ALPK2: variants seen among roughly 807,000 people sequenced by gnomAD.
The protein encoded by ALPK2 is alpha-protein kinase 2.
A neutral mutation model predicts 163.1 loss-of-function variants in ALPK2; 127 were observed. That is an observed-to-expected ratio of 0.78 (90% CI 0.67 to 0.90). The LOEUF is 0.90. Ranked by LOEUF, ALPK2 falls within the 40% of genes least tolerant of loss-of-function variation. The pLI is 0.00. For synonymous variants in ALPK2, 953 were observed against 959.1 expected, an observed-to-expected ratio of 0.99 and a Z score of 0.12; for missense variants, 2,360 against 2,589.6, an observed-to-expected ratio of 0.91 and a Z score of 1.92.
At chr18:58,563,188 G>A (rs922439761) in intron 4 of ALPK2, among the ~76,000 whole-genome samples, 5 of 152,236 alleles carry the variant, frequency 3.3e-5, no homozygotes, top group African/African-American at 1.2e-4. Context: ...TAGAGCCCTT[G>A]GACTTTTGAG....
intron 10 of ALPK2, among the ~76,000 whole-genome samples, chr18:58,513,276 G>A (rs192138509): frequency 3.2e-4 from 49 of 152,086 alleles, no homozygotes; most frequent in African/African-American, 1.1e-3. Context: ...GGGTGTGTAT[G>A]TGTGTTTTTT....
At chr18:58,581,165 C>T (rs1006063538) in intron 3 of ALPK2, among the ~76,000 whole-genome samples, 7 of 151,602 alleles carry the variant, frequency 4.6e-5, no homozygotes, top group Admixed American at 1.3e-4. Context: ...TTTTATGTTA[C>T]GGGAATTTGA....
intron 3 of ALPK2, among the ~76,000 whole-genome samples, chr18:58,583,772 G>C (rs557650638): frequency 2.0e-5 from 3 of 151,558 alleles, no homozygotes; most frequent in Admixed American, 6.6e-5. Context: ...AGAAAAAGGC[G>C]GGGGGGCTGT....
intron 4 of ALPK2, among the ~76,000 whole-genome samples, chr18:58,555,225 T>G (rs2051783995): frequency 6.6e-6 from 1 of 152,110 alleles, no homozygotes; most frequent in South Asian, 2.1e-4. Context: ...AGCCAGAGCC[T>G]CTTCTTAACA....
chr18:58,596,148 A>T (rs1464826213), intron 3 of ALPK2, among the ~76,000 whole-genome samples: 1 of 152,140 alleles, frequency 6.6e-6, no homozygotes, highest in Non-Finnish European at 1.5e-5. Flanking sequence ...AGAAAGGGGG[A>T]ATGAGCAAAA....
At chr18:58,576,875 G>T (rs1429474399) in intron 4 of ALPK2, among the ~76,000 whole-genome samples, 1 of 152,226 alleles carries the variant, frequency 6.6e-6, no homozygotes, top group African/African-American at 2.4e-5. Context: ...TGAGAGGTCA[G>T]CTCTGCTACT....
chr18:58,536,494 C>G lies in ALPK2; in HGVS notation c.3693G>C (p.Glu1231Asp), dbSNP rs1243145040. 1 of 1,613,842 alleles carries G rather than the reference C, an allele frequency of 6.2e-7. No individual in the cohort carries two copies. Among genetic ancestry groups the G allele is most frequent in the Non-Finnish European group, 8.5e-7 (1 of 1,180,042 alleles). ...ESKEYRPGNW[E>D]AGNKLKIITL... ...TTATAATCTTCAGCTTGTTGCCTGC[C>G]TCCCAATTTCCAGGTCTATATTCTT... is the stretch of plus-strand genomic sequence containing the variant. The change falls in exon 5 of 13, where the codon GAG becomes GAC. Residue 1231 changes from glutamate (E) to aspartate (D), a missense_variant. Transcript: ENST00000361673.
chr18:58,565,075 T>G (rs1019665867), intron 4 of ALPK2, among the ~76,000 whole-genome samples: 1 of 152,214 alleles, frequency 6.6e-6, no homozygotes, highest in African/African-American at 2.4e-5. Context: ...TCGTATTGTA[T>G]GTATTATTCT....
intron 4 of ALPK2, among the ~76,000 whole-genome samples, chr18:58,577,771 G>A (rs6566984): frequency 2.6e-5 from 4 of 152,072 alleles, no homozygotes; most frequent in Non-Finnish European, 5.9e-5. Flanking sequence ...TTATGACTGG[G>A]TCTATAGAAA....
chr18:58,520,036 A>C (rs1048401640), intron 8 of ALPK2, among the ~76,000 whole-genome samples: 4 of 152,134 alleles, frequency 2.6e-5, no homozygotes, highest in African/African-American at 9.7e-5. Flanking sequence ...GGTTGTGAAG[A>C]AGGTGCAATT....
At chr18:58,516,750 G>C (rs1198492774) in intron 9 of ALPK2, among the ~76,000 whole-genome samples, 158 bp downstream of exon 9, 3 of 152,132 alleles carry the variant, frequency 2.0e-5, no homozygotes, top group Admixed American at 6.5e-5. Flanking sequence ...CCCGAGAATT[G>C]AGAAGTGATC....
chr18:58,537,744 A>G lies in ALPK2; in HGVS notation c.2443T>C (p.Cys815Arg), dbSNP rs571519296. The change falls in exon 5 of 13, where the codon TGT becomes CGT. Residue 815 changes from cysteine to arginine, a missense_variant. Physicochemically the swap from Cys to Arg is radical, Grantham distance 180. Coordinates refer to ENST00000361673, the MANE Select transcript of ALPK2 (RefSeq NM_052947.4). ...ECFEAGDQGT[C>R]FDTIDSLVGR... ...ACAAGAGAATCTATGGTATCAAAAC[A>G]CGTTCCTTGGTCACCAGCCTCAAAA... 6.2e-7 allele frequency: 1 copy of G among 1,614,168 alleles called. No individual in the cohort carries two copies. Among genetic ancestry groups the G allele is most frequent in the African/African-American group, 1.3e-5 (1 of 75,062 alleles).
At chr18:58,564,125 T>TTTTC in intron 4 of ALPK2, among the ~76,000 whole-genome samples, 1 of 134,066 alleles carries the variant, frequency 7.5e-6, no homozygotes, top group Non-Finnish European at 1.6e-5. Context: ...TCTTTGTTCT[T>TTTTC]TTTTTTTTTT....
intron 3 of ALPK2, among the ~76,000 whole-genome samples, chr18:58,594,155 G>A (rs1187898127): frequency 6.6e-6 from 1 of 152,168 alleles, no homozygotes; most frequent in Non-Finnish European, 1.5e-5. Context: ...TCCTGGGGAT[G>A]CATGGGGAGC....
chr18:58,497,763 A>G (rs537413912), intron 12 of ALPK2, among the ~76,000 whole-genome samples: 26 of 152,238 alleles, frequency 1.7e-4, no homozygotes, highest in Non-Finnish European at 3.4e-4. Flanking sequence ...CATCCAAGTA[A>G]TGCCAGCATT....
intron 3 of ALPK2, among the ~76,000 whole-genome samples, chr18:58,586,016 T>C (rs1350012857): frequency 1.3e-5 from 2 of 152,220 alleles, no homozygotes; most frequent in African/African-American, 4.8e-5. Context: ...CTTTTACCCA[T>C]GCATGATTTT....
Position 58,481,917 on chromosome 18 carries a change from T to G in ALPK2, c.6419A>C (p.Gln2140Pro). ...LKSLQNNNQK[Q>P]KQPSIGKSKV... ...GCTTTTCCCAATGCTCGGCTGCTTC[T>G]GTTTCTGGTTGTTGTTTTGAAGGGA... The change falls in exon 13 of 13, where the codon CAG (glutamine) becomes CCG (proline). Residue 2140 changes from glutamine to proline, a missense_variant. Physicochemically the swap from Gln to Pro is moderately conservative, Grantham distance 76 (BLOSUM62 -1). Coordinates refer to ENST00000361673, the MANE Select transcript of ALPK2 (RefSeq NM_052947.4). 6.2e-7 allele frequency: 1 copy of G among 1,614,236 alleles called. No individual in the cohort carries two copies. The highest frequency in any genetic ancestry group is 8.5e-7 in the Non-Finnish European group (1 of 1,180,048).
Position 58,536,630 on chromosome 18 carries a change from C to T in ALPK2, c.3557G>A (p.Arg1186His), listed in dbSNP as rs767612056. 5 of 1,614,030 alleles carry T rather than the reference C, an allele frequency of 3.1e-6. No homozygotes were observed. Among genetic ancestry groups the T allele is most frequent in the Non-Finnish European group, 3.4e-6 (4 of 1,180,022 alleles). The change falls in exon 5 of 13, where the codon CGC (arginine) becomes CAC (histidine). Residue 1186 changes from arginine to histidine, a missense_variant. Physicochemically the swap from Arg to His is conservative, Grantham distance 29. Coordinates refer to ENST00000361673, the MANE Select transcript of ALPK2 (RefSeq NM_052947.4). ...GGAGACCCTCGTCCCCCAACCTGAG[C>T]GCTGCCCTGCTCCTTCCCTAGAGCT... ...PASSREGAGQ[R>H]SGWGTRVSVV... is the part of the protein sequence containing the mutation.
chr18:58,591,434 C>T (rs2144210146), intron 3 of ALPK2, among the ~76,000 whole-genome samples: 1 of 152,260 alleles, frequency 6.6e-6, no homozygotes, highest in Non-Finnish European at 1.5e-5. Flanking sequence ...GCCTCCCATC[C>T]AGTAAGGGAA....
Sources: gnomAD v4.1 joint callset for allele counts (sites outside exome capture counted in the v4.1 genomes callset) on GRCh38, gnomAD v4.1.1 for gene constraint, MANE v1.5 for transcripts, NCBI Gene and HGNC (gene_info 2026-07-23, HGNC 2026-07-21) for gene names.